ARPC4: variants seen among roughly 807,000 people sequenced by gnomAD.
The protein encoded by ARPC4 is actin-related protein 2/3 complex subunit 4.
In ARPC4, 3 loss-of-function variants were observed where a neutral mutation model predicts 22.8. The ratio of observed to expected loss-of-function variants is 0.13; its 90% CI spans 0.06 to 0.34. The LOEUF is 0.34. Among genes scored for constraint, ARPC4 ranks in the 10% least tolerant of loss-of-function variants. The pLI, the probability that ARPC4 is intolerant of heterozygous loss-of-function variation, is 1.00. For synonymous variants in ARPC4, 80 were observed against 72.5 expected, an observed-to-expected ratio of 1.10 and a Z score of -0.52; for missense variants, 98 against 211.0, an observed-to-expected ratio of 0.46 and a Z score of 3.32.
chr3:9,801,652 A>G lies in ARPC4; in HGVS notation c.235-9A>G. ...CTTTAGAGAAACATTTCTCTCTTGCACTCCCCAGGCTGATGAGATCGAGAA... is the reference window on the plus strand; with the variant it reads ...CTTTAGAGAAACATTTCTCTCTTGCGCTCCCCAGGCTGATGAGATCGAGAA... On this transcript the variant is annotated splice_polypyrimidine_tract_variant and intron_variant, in intron 3 of 5. Transcript: ENST00000397261. 4.4e-6 allele frequency: 7 copies of G among 1,599,220 alleles called. No individual in the cohort carries two copies. Among genetic ancestry groups the G allele is most frequent in the Non-Finnish European group, 6.0e-6 (7 of 1,170,760 alleles).
upstream of ARPC4, chr3:9,792,912 G>T (rs888888465): frequency 7.4e-5 from 104 of 1,399,712 alleles, no homozygotes; most frequent in Non-Finnish European, 9.6e-5. Context: ...AGTGACTCGA[G>T]TGCAAGAATT....
upstream of ARPC4, chr3:9,792,792 A>T: frequency 7.9e-7 from 1 of 1,262,636 alleles, no homozygotes; most frequent in Non-Finnish European, 1.0e-6. Flanking sequence ...TTTGGTGCCC[A>T]ATCTGAAGCT....
chr3:9,796,334 C>T (rs563858291), intron 1 of ARPC4, among the ~76,000 whole-genome samples: 60 of 152,310 alleles, frequency 3.9e-4, no homozygotes, highest in Middle Eastern at 6.8e-3. Flanking sequence ...GCGGCGATTG[C>T]CGTGAGCAGA....
chr3:9,796,694 C>T (rs926424519), intron 1 of ARPC4, among the ~76,000 whole-genome samples: 1 of 152,198 alleles, frequency 6.6e-6, no homozygotes, highest in East Asian at 1.9e-4. Context: ...GTAAACCCAG[C>T]ACTTTGGGAG....
intron 1 of ARPC4, among the ~76,000 whole-genome samples, chr3:9,793,773 T>G (rs1341008154): frequency 6.6e-6 from 1 of 152,320 alleles, no homozygotes; most frequent in Middle Eastern, 3.4e-3. Flanking sequence ...TGGGCCTTTT[T>G]CATACGTGTG....
intron 1 of ARPC4, among the ~76,000 whole-genome samples, chr3:9,794,468 C>T (rs138796937): frequency 1.9e-3 from 292 of 152,130 alleles, no homozygotes; most frequent in African/African-American, 6.6e-3. Flanking sequence ...CACTGCACAC[C>T]AGACTGGGCA....
At chr3:9,805,396 A>G (rs1012746346) in intron 5 of ARPC4, among the ~76,000 whole-genome samples, 31 of 152,206 alleles carry the variant, frequency 2.0e-4, no homozygotes, top group African/African-American at 7.2e-4. Flanking sequence ...TCGGACTCAG[A>G]GGTCTAAGAA....
At position 9,801,711 on chromosome 3, in the gene ARPC4, G is replaced by T. The variant is rs1323252912; in HGVS notation, c.285G>T (p.Met95Ile). ...GCCACAAGTTCATGCGCTTCATGATGATGCGAGCAGAGAACTTCTTTATCC... is the reference window on the plus strand; with the variant it reads ...GCCACAAGTTCATGCGCTTCATGATTATGCGAGCAGAGAACTTCTTTATCC... Reference protein sequence around the residue: ...ILCHKFMRFMMMRAENFFILR... With the variant: ...ILCHKFMRFMIMRAENFFILR... Residue 95 changes from methionine (M) to isoleucine (I), a missense_variant, in exon 4 of 6, where the codon ATG becomes ATT. Met to Ile is a conservative substitution (Grantham distance 10). Coordinates refer to ENST00000397261, the MANE Select transcript of ARPC4 (RefSeq NM_005718.5). 6.2e-7 allele frequency: 1 copy of T among 1,609,524 alleles called. No homozygotes were observed. Among genetic ancestry groups the T allele is most frequent in the Non-Finnish European group, 8.5e-7 (1 of 1,177,476 alleles).
intron 2 of ARPC4, chr3:9,799,775 T>C: frequency 4.5e-6 from 2 of 442,714 alleles, no homozygotes; most frequent in South Asian, 3.2e-5. Context: ...ATTTGCAGAT[T>C]GGGGATGTTC....
At chr3:9,802,846 T>C (rs1486771032) in intron 4 of ARPC4, among the ~76,000 whole-genome samples, 1 of 151,502 alleles carries the variant, frequency 6.6e-6, no homozygotes, top group Non-Finnish European at 1.5e-5. Flanking sequence ...CCCAGCTAAT[T>C]TTGTATTTTT....
At chr3:9,798,797 C>G (rs1181188256) in intron 2 of ARPC4, among the ~76,000 whole-genome samples, 5 of 152,186 alleles carry the variant, frequency 3.3e-5, no homozygotes, top group Non-Finnish European at 7.3e-5. Context: ...TTGCTTGAAC[C>G]TGGGAGGCGG....
At chr3:9,799,856 T>A (rs1236415402) in intron 2 of ARPC4, 1 of 493,356 alleles carries the variant, frequency 2.0e-6, no homozygotes. Context: ...ATTAGACATT[T>A]GACCCTTTTT....
At chr3:9,799,365 T>G (rs2078961928) in intron 2 of ARPC4, among the ~76,000 whole-genome samples, 1 of 152,182 alleles carries the variant, frequency 6.6e-6, no homozygotes, top group Non-Finnish European at 1.5e-5. Flanking sequence ...CTTAACCAGT[T>G]GAGCATCCCT....
At chr3:9,797,854 C>G in intron 2 of ARPC4, 77 bp downstream of exon 2, 1 of 1,426,762 alleles carries the variant, frequency 7.0e-7, no homozygotes, top group Non-Finnish European at 9.6e-7. Context: ...GTGCCATGAA[C>G]TTATGTCCTG....
Position 9,797,757 on chromosome 3 carries a change from C to T in ARPC4, c.102C>T (p.Asn34=). The change falls in exon 2 of 6, where the codon AAC becomes AAT. Residue 34 remains asparagine (N), a synonymous_variant. Coordinates refer to ENST00000397261, the MANE Select transcript of ARPC4 (RefSeq NM_005718.5). ...NFSSQVVERH[N]KPEVEVRSSK... ...CCTCCCAGGTTGTGGAACGACACAACAAGCCGGAAGTGGAAGTCAGGTAGG... is the reference window on the plus strand; with the variant it reads ...CCTCCCAGGTTGTGGAACGACACAATAAGCCGGAAGTGGAAGTCAGGTAGG... The T allele has an allele frequency of 6.2e-7, 1 of 1,614,076 alleles. No individual in the cohort carries two copies. Among genetic ancestry groups the T allele is most frequent in the South Asian group, 1.1e-5 (1 of 91,074 alleles).
intron 5 of ARPC4, 43 bp downstream of exon 5, chr3:9,804,056 C>G (rs2079063135): frequency 6.2e-7 from 1 of 1,604,382 alleles, no homozygotes; most frequent in Non-Finnish European, 8.5e-7. Context: ...GCCAGAGGAT[C>G]TGGGGGTCAT....
chr3:9,796,880 G>A (rs1001804806), intron 1 of ARPC4, among the ~76,000 whole-genome samples: 31 of 147,944 alleles, frequency 2.1e-4, no homozygotes, highest in Middle Eastern at 3.6e-3. Context: ...GGTGGAGCTT[G>A]CAGTGAGCCG....
intron 3 of ARPC4, among the ~76,000 whole-genome samples, chr3:9,801,212 GAAAAAAAA>G (rs745696982): frequency 0.015 from 992 of 66,448 alleles, 13 homozygotes; most frequent in African/African-American, 0.051. Flanking sequence ...TTCCATCTCA[GAAAAAAAA>G]AAAAAAAAAA....
At chr3:9,793,028 G>C, upstream of ARPC4, 1 of 1,537,860 alleles carries the variant, frequency 6.5e-7, no homozygotes, top group South Asian at 1.2e-5. Flanking sequence ...CGGAAGTCCG[G>C]GCGGAGACCG....
Sources: gnomAD v4.1 joint callset for allele counts (sites outside exome capture counted in the v4.1 genomes callset) on GRCh38, gnomAD v4.1.1 for gene constraint, MANE v1.5 for transcripts, NCBI Gene and HGNC (gene_info 2026-07-23, HGNC 2026-07-21) for gene names.